Variants in SMCO2 observed in about 807,000 individuals in gnomAD.
SMCO2 encodes single-pass membrane and coiled-coil domain-containing protein 2.
Under a neutral mutation model 29.5 loss-of-function variants are expected in SMCO2, and 25 were observed. That is an observed-to-expected ratio of 0.85 (90% CI 0.62 to 1.18). The LOEUF is 1.18. SMCO2 is among the 50% of genes most tolerant of loss of function. The pLI is 0.00. For synonymous variants in SMCO2, 117 were observed against 123.3 expected (o/e 0.95, Z 0.34); for missense variants, 348 against 344.5 (o/e 1.01, Z -0.08).
chr12:27,478,648 G>A (rs956694591), intron 4 of SMCO2, among the ~76,000 whole-genome samples: 2 of 152,092 alleles, frequency 1.3e-5, no homozygotes, highest in Non-Finnish European at 2.9e-5. Context: ...TGGTCCCTAA[G>A]CCCCCAGGAA....
chr12:27,485,511 G>T (rs535148113), intron 4 of SMCO2, among the ~76,000 whole-genome samples: 1 of 148,082 alleles, frequency 6.8e-6, no homozygotes. Context: ...GTGCAGTGGC[G>T]TGATCTTGGC....
chr12:27,463,570 C>G (rs1338710350), upstream of SMCO2, among the ~76,000 whole-genome samples: 1 of 152,082 alleles, frequency 6.6e-6, no homozygotes, highest in Non-Finnish European at 1.5e-5. Context: ...CCAGGCTTCT[C>G]TATAATCTTT....
At chr12:27,484,327 C>T (rs1046221130) in intron 4 of SMCO2, among the ~76,000 whole-genome samples, 2 of 152,104 alleles carry the variant, frequency 1.3e-5, no homozygotes, top group East Asian at 3.9e-4. Flanking sequence ...TGCAGTGAGC[C>T]AAGATCACTC....
the SMCO2 span, among the ~76,000 whole-genome samples, chr12:27,449,982 C>G: frequency 6.6e-6 from 1 of 152,186 alleles, no homozygotes; most frequent in Non-Finnish European, 1.5e-5. Context: ...TCACCTCCAT[C>G]CATTCATCGG....
chr12:27,479,651 C>T (rs428370), intron 4 of SMCO2, among the ~76,000 whole-genome samples: 18,300 of 152,124 alleles, frequency 0.12, 2,120 homozygotes, highest in African/African-American at 0.28. Context: ...TGGGAGGTAA[C>T]TGAATCATGG....
At chr12:27,452,612 C>G in the SMCO2 span, among the ~76,000 whole-genome samples, 1 of 152,184 alleles carries the variant, frequency 6.6e-6, no homozygotes, top group African/African-American at 2.4e-5. Context: ...ACCTCAGTCT[C>G]CCAAGTAACT....
chr12:27,440,452 G>A, the SMCO2 span, among the ~76,000 whole-genome samples: 17 of 152,182 alleles, frequency 1.1e-4, no homozygotes, highest in African/African-American at 2.4e-4. Flanking sequence ...AGACAAACCC[G>A]GAATACTCTA....
the SMCO2 span, among the ~76,000 whole-genome samples, chr12:27,450,765 A>G: frequency 6.6e-6 from 1 of 152,242 alleles, no homozygotes; most frequent in African/African-American, 2.4e-5. Flanking sequence ...TGCCTGTCTC[A>G]TAAAATTAAA....
intron 1 of SMCO2, chr12:27,467,068 A>G (rs1949504216): frequency 6.6e-6 from 1 of 152,132 alleles, no homozygotes; most frequent in African/African-American, 2.4e-5. Flanking sequence ...CATGGCTTTG[A>G]CAAATTTCTG....
chr12:27,441,964 A>G, the SMCO2 span, among the ~76,000 whole-genome samples: 100,329 of 152,090 alleles, frequency 0.66, 33,367 homozygotes, highest in Middle Eastern at 0.79. Flanking sequence ...TGAACAACCA[A>G]TGGGTCAATG....
chr12:27,493,936 T>G (rs1183990142), intron 5 of SMCO2: 2 of 154,292 alleles, frequency 1.3e-5, no homozygotes, highest in African/African-American at 4.8e-5. Flanking sequence ...GTTAAATATT[T>G]AAAAGAAATA....
At chr12:27,477,513 C>A (rs1346840070) in intron 4 of SMCO2, among the ~76,000 whole-genome samples, 3 of 151,464 alleles carry the variant, frequency 2.0e-5, no homozygotes, top group Non-Finnish European at 4.4e-5. Context: ...GCTATTATTT[C>A]ATTAAATTTT....
At chr12:27,463,523 TCC>T (rs1257652472), upstream of SMCO2, among the ~76,000 whole-genome samples, 2 of 152,156 alleles carry the variant, frequency 1.3e-5, no homozygotes, top group African/African-American at 4.8e-5. Flanking sequence ...CGCCTCAGCC[TCC>T]CGAAGTGCTG....
intron 5 of SMCO2, among the ~76,000 whole-genome samples, chr12:27,493,298 G>A (rs306645): frequency 0.12 from 18,497 of 151,878 alleles, 2,386 homozygotes; most frequent in African/African-American, 0.33. Context: ...TTACCTGTGT[G>A]ACAAACCTTC....
At chr12:27,442,813 G>A in the SMCO2 span, among the ~76,000 whole-genome samples, 2 of 152,216 alleles carry the variant, frequency 1.3e-5, no homozygotes, top group Admixed American at 6.5e-5. Flanking sequence ...GTAGAGACAA[G>A]GTCTCACTAT....
chr12:27,501,235 T>C (rs2135585259), intron 7 of SMCO2, among the ~76,000 whole-genome samples: 1 of 147,296 alleles, frequency 6.8e-6, no homozygotes, highest in African/African-American at 2.6e-5. Context: ...GCTAACACGG[T>C]GAAACCCCGT....
At chr12:27,424,903 A>C in the SMCO2 span, 1 of 152,186 alleles carries the variant, frequency 6.6e-6, no homozygotes, top group African/African-American at 2.4e-5. Context: ...TTGTGCCTAC[A>C]ATAAGTCAGC....
In SMCO2 at chr12:27,484,402, A is replaced by G. The variant is rs558430271; in HGVS notation, c.363-4058A>G. Among the ~76,000 whole-genome samples the G allele has an allele frequency of 2.0e-5, 3 of 152,116 alleles. No individual in the cohort carries two copies. The East Asian group carries it at 5.8e-4, about 29-fold the overall frequency. On this transcript the variant is annotated intron_variant, in intron 4 of 7. Coordinates refer to ENST00000298876, the Ensembl canonical transcript of SMCO2. ...AAACAAAAAACAAAAACCCAAAACT[A>G]TCTTCTGTGATACAGTTCTACTGGG...
At chr12:27,494,319 T>C in exon 6 of SMCO2, 1 of 1,522,790 alleles carries the variant, frequency 6.6e-7, no homozygotes. Flanking sequence ...TGTAATGAAG[T>C]TTATGAATTA....
Sources: gnomAD v4.1 joint callset for allele counts (sites outside exome capture counted in the v4.1 genomes callset) on GRCh38, gnomAD v4.1.1 for gene constraint, MANE v1.5 for transcripts, NCBI Gene and HGNC (gene_info 2026-07-23, HGNC 2026-07-21) for gene names.